ADAMTSL1: variants seen among roughly 807,000 people sequenced by gnomAD.
ADAMTSL1 encodes the protein ADAMTS-like protein 1.
Under a neutral mutation model 201.8 loss-of-function variants are expected in ADAMTSL1, and 126 were observed. That is an observed-to-expected ratio of 0.62 (90% CI 0.54 to 0.72). The LOEUF (loss-of-function observed/expected upper bound fraction) is 0.72, where lower values mean the gene tolerates loss of function less well. Ranked by LOEUF, ADAMTSL1 falls within the 30% of genes least tolerant of loss-of-function variation. The pLI, the probability that ADAMTSL1 is intolerant of heterozygous loss-of-function variation, is 0.00. For synonymous variants in ADAMTSL1, 1,121 were observed against 903.4 expected (o/e 1.24, Z -4.32); for missense variants, 2,679 against 2,277.8 (o/e 1.18, Z -3.59).
chr9:18,504,948 G>GAGC lies in ADAMTSL1; in HGVS notation c.188_190dup (p.Ser63dup). ...CCTCCTACTCTCTGAGGCGCTGCCTGAGCAGCAAGTAAGTCCTGCACCCGT... is the reference window on the plus strand; with the variant it reads ...CCTCCTACTCTCTGAGGCGCTGCCTGAGCAGCAGCAAGTAAGTCCTGCACCCGT... On this transcript the variant is annotated inframe_insertion, in exon 2 of 29. Coordinates refer to ENST00000380548, the MANE Select transcript of ADAMTSL1 (RefSeq NM_001040272.6). 6.2e-7 allele frequency: 1 copy of GAGC among 1,608,324 alleles called. No homozygotes were observed. Among genetic ancestry groups the GAGC allele is most frequent in the Non-Finnish European group, 8.5e-7 (1 of 1,179,028 alleles).
At chr9:18,242,795 G>T (rs890361089) in intron 2 of ADAMTSL1, among the ~76,000 whole-genome samples, 4 of 151,834 alleles carry the variant, frequency 2.6e-5, no homozygotes, top group Non-Finnish European at 5.9e-5. Context: ...TAACCAAGGA[G>T]GTGAACAATC....
intron 5 of ADAMTSL1, among the ~76,000 whole-genome samples, chr9:18,633,418 C>A (rs887303845): frequency 2.0e-5 from 3 of 151,952 alleles, no homozygotes; most frequent in Non-Finnish European, 4.4e-5. Context: ...GGTGAAACCC[C>A]GTCTCTACTA....
At chr9:18,159,475 G>T (rs1460782295) in intron 1 of ADAMTSL1, among the ~76,000 whole-genome samples, 1 of 151,948 alleles carries the variant, frequency 6.6e-6, no homozygotes, top group Non-Finnish European at 1.5e-5. Flanking sequence ...GCCTCTCCCA[G>T]AGTTGTAAGA....
intron 16 of ADAMTSL1, 43 bp from the exon 17 acceptor site, chr9:18,770,559 A>T: frequency 6.4e-7 from 1 of 1,560,700 alleles, no homozygotes; most frequent in Non-Finnish European, 8.7e-7. Context: ...CTGCCTTCCC[A>T]TATTGGGTCT....
chr9:18,300,604 G>C (rs1439545972), intron 2 of ADAMTSL1, among the ~76,000 whole-genome samples: 1 of 151,596 alleles, frequency 6.6e-6, no homozygotes, highest in African/African-American at 2.4e-5. Context: ...AGAACTTAAA[G>C]TATTAAAACA....
At chr9:18,359,713 G>A (rs937043246) in intron 2 of ADAMTSL1, among the ~76,000 whole-genome samples, 1 of 151,736 alleles carries the variant, frequency 6.6e-6, no homozygotes, top group Admixed American at 6.6e-5. Flanking sequence ...TGTAAGATAT[G>A]TATACAGCCT....
intron 1 of ADAMTSL1, among the ~76,000 whole-genome samples, chr9:18,024,735 G>T (rs966271037): frequency 1.1e-4 from 17 of 152,000 alleles, no homozygotes; most frequent in Admixed American, 3.9e-4. Flanking sequence ...GTACGAGTAC[G>T]TGTGTCTTTT....
chr9:18,200,925 A>G (rs1829418887), intron 2 of ADAMTSL1, among the ~76,000 whole-genome samples: 1 of 151,962 alleles, frequency 6.6e-6, no homozygotes, highest in African/African-American at 2.4e-5. Context: ...TGGCCCTCAG[A>G]CTCATGTAGC....
At chr9:18,118,343 T>C (rs556171941) in intron 1 of ADAMTSL1, among the ~76,000 whole-genome samples, 3 of 152,312 alleles carry the variant, frequency 2.0e-5, no homozygotes, top group African/African-American at 7.2e-5. Flanking sequence ...TCTATTTTGA[T>C]TTAAGATGCT....
chr9:18,484,342 G>T (rs1172767419), intron 1 of ADAMTSL1, among the ~76,000 whole-genome samples: 1 of 152,136 alleles, frequency 6.6e-6, no homozygotes, highest in African/African-American at 2.4e-5. Context: ...ATGTAACGGG[G>T]TTTCTGCCTA....
At chr9:18,196,563 C>G (rs1003647749) in intron 2 of ADAMTSL1, among the ~76,000 whole-genome samples, 1 of 152,050 alleles carries the variant, frequency 6.6e-6, no homozygotes, top group African/African-American at 2.4e-5. Context: ...CTCTGCTGGC[C>G]TTTTCAGCTT....
In ADAMTSL1 at chr9:18,684,691, G is replaced by C. The variant is rs111275787; in HGVS notation, c.1490-25G>C. 1.4e-5 allele frequency: 23 copies of C among 1,608,140 alleles called. No homozygotes were observed. The African/African-American group carries it at 1.6e-4, about 11-fold the overall frequency. On this transcript the variant is annotated intron_variant, in intron 12 of 28. Coordinates refer to ENST00000380548, the MANE Select transcript of ADAMTSL1 (RefSeq NM_001040272.6). The stretch of plus-strand genomic sequence containing the variant: ...CAGATTGGTTCTAACCTCTTCTTTT[G>C]TATGTGCATGCACTGAATTCTCAGA...
At chr9:18,181,737 C>T (rs1157933468) in intron 2 of ADAMTSL1, among the ~76,000 whole-genome samples, 8 of 151,618 alleles carry the variant, frequency 5.3e-5, no homozygotes, top group Non-Finnish European at 1.2e-4. Flanking sequence ...GGCGATTCCT[C>T]AGGGATCTAG....
chr9:18,598,168 T>C (rs1824388953), intron 4 of ADAMTSL1, among the ~76,000 whole-genome samples: 1 of 152,206 alleles, frequency 6.6e-6, no homozygotes, highest in Non-Finnish European at 1.5e-5. Context: ...TCTACAAAGC[T>C]AATCGCAAAT....
intron 1 of ADAMTSL1, among the ~76,000 whole-genome samples, chr9:17,931,118 C>T (rs530317501): frequency 6.6e-6 from 1 of 152,152 alleles, no homozygotes; most frequent in South Asian, 2.1e-4. Flanking sequence ...TATTGCATGT[C>T]CCGTTCATAA....
At position 18,542,755 on chromosome 9, in the gene ADAMTSL1, A is replaced by G. The variant is rs1179356857; in HGVS notation, c.237+9463A>G. The stretch of plus-strand genomic sequence containing the variant: ...CTTATGGCAACCCTAGTCAACTAGT[A>G]TACTACCTTTCTTCAACTTCCTCCT... On this transcript the variant is annotated intron_variant, in intron 3 of 28. Coordinates refer to ENST00000380548, the MANE Select transcript of ADAMTSL1 (RefSeq NM_001040272.6). 2.0e-5 allele frequency among the ~76,000 whole-genome samples: 3 copies of G among 152,304 alleles called. No homozygotes were observed. In the East Asian group the frequency reaches 5.8e-4, roughly 29 times the overall value.
At chr9:18,559,311 G>T (rs1047743140) in intron 3 of ADAMTSL1, among the ~76,000 whole-genome samples, 32 of 152,060 alleles carry the variant, frequency 2.1e-4, no homozygotes, top group African/African-American at 6.3e-4. Flanking sequence ...AAGATCAGGT[G>T]GTTGTAGATT....
chr9:18,899,829 TA>T (rs1170643480), intron 26 of ADAMTSL1, among the ~76,000 whole-genome samples: 1 of 150,810 alleles, frequency 6.6e-6, no homozygotes, highest in East Asian at 2.0e-4. Flanking sequence ...CCCCAAACTA[TA>T]AAAACCCTAG....
intron 23 of ADAMTSL1, among the ~76,000 whole-genome samples, chr9:18,863,663 TG>T (rs1827342553): frequency 6.6e-6 from 1 of 152,140 alleles, no homozygotes; most frequent in African/African-American, 2.4e-5. Context: ...AGCTGCTTGG[TG>T]CCAGCTCCCA....
Sources: allele counts gnomAD v4.1 joint callset (sites outside exome capture counted in the v4.1 genomes callset), GRCh38; gene constraint gnomAD v4.1.1; transcripts MANE v1.5; gene names NCBI Gene and HGNC (gene_info 2026-07-23, HGNC 2026-07-21).